MMEL1: variants seen among roughly 807,000 people sequenced by gnomAD.
MMEL1 encodes membrane metalloendopeptidase like 1, also known as membrane metallo-endopeptidase-like 1.
In MMEL1, 98 loss-of-function variants were observed where a neutral mutation model predicts 117.1. The observed-to-expected ratio is 0.84, with a 90% CI of 0.71 to 0.99. The LOEUF (loss-of-function observed/expected upper bound fraction) is 0.99. MMEL1 is among the 50% of genes least tolerant of loss of function. The pLI, the probability that MMEL1 is intolerant of heterozygous loss-of-function variation, is 0.00. For synonymous variants in MMEL1, 390 were observed against 415.1 expected (o/e 0.94, Z 0.74); for missense variants, 1,014 against 1,049.1 (o/e 0.97, Z 0.46).
Position 2,591,550 on chromosome 1 carries a change from G to T in MMEL1, c.2240+7C>A. 1 of 1,613,170 alleles carries T rather than the reference G, an allele frequency of 6.2e-7. No homozygotes were observed. Among genetic ancestry groups the T allele is most frequent in the South Asian group, 1.1e-5 (1 of 91,068 alleles). ...TGGCAAGGGGGTTGTGAGCATGGGA[G>T]ACTTGCCTGTACTTCAGGGGACTGT... On this transcript the variant is annotated splice_region_variant and intron_variant, in intron 23 of 23. Transcript: ENST00000378412.
chr1:2,631,113 A>C (rs934711309), intron 1 of MMEL1, among the ~76,000 whole-genome samples: 1 of 152,190 alleles, frequency 6.6e-6, no homozygotes, highest in African/African-American at 2.4e-5. Flanking sequence ...ATGTGAGCAC[A>C]TGCATGGATG....
chr1:2,619,012 G>A (rs564088328), intron 2 of MMEL1, among the ~76,000 whole-genome samples: 2 of 152,276 alleles, frequency 1.3e-5, no homozygotes, highest in African/African-American at 4.8e-5. Flanking sequence ...TCTCTTGACT[G>A]TGCGTGGCCC....
At chr1:2,610,349 C>G (rs1645105796) in intron 4 of MMEL1, among the ~76,000 whole-genome samples, 2 of 152,172 alleles carry the variant, frequency 1.3e-5, no homozygotes, top group African/African-American at 4.8e-5. Context: ...ACTTATTAAC[C>G]ACTTGATCTT....
intron 2 of MMEL1, among the ~76,000 whole-genome samples, chr1:2,626,808 G>A (rs780527915): frequency 2.0e-5 from 3 of 152,142 alleles, no homozygotes; most frequent in African/African-American, 4.8e-5. Flanking sequence ...GTTAGTTGAG[G>A]GAAAATAGAG....
intron 2 of MMEL1, among the ~76,000 whole-genome samples, chr1:2,624,755 T>C (rs1645343516): frequency 1.3e-5 from 2 of 152,192 alleles, no homozygotes; most frequent in Non-Finnish European, 2.9e-5. Context: ...TATCGTCCAT[T>C]ATCACACTGC....
intron 7 of MMEL1, 32 bp from the exon 8 acceptor site, chr1:2,606,398 G>C: frequency 6.3e-7 from 1 of 1,577,736 alleles, no homozygotes; most frequent in Non-Finnish European, 8.7e-7. Context: ...CTGGAGACTG[G>C]CGGGCCCTGG....
rs183872160 is a variant in MMEL1 at position 2,621,294 on chromosome 1, C to G, written c.154+8037G>C. Among the ~76,000 whole-genome samples the G allele has an allele frequency of 3.4e-3, 514 of 152,256 alleles. 3 individuals carry two copies. The highest frequency in any genetic ancestry group is 5.9e-3 in the Non-Finnish European group (402 of 68,008). ...AGTGAGACCCTGTCTCAAAAACAAA[C>G]AAACAAAACCAGAGACCTTAAGACT... On this transcript the variant is annotated intron_variant, in intron 2 of 23. Coordinates refer to ENST00000378412, the MANE Select transcript of MMEL1 (RefSeq NM_033467.4).
At chr1:2,603,589 C>T (rs886490669) in intron 11 of MMEL1, among the ~76,000 whole-genome samples, 1 of 152,160 alleles carries the variant, frequency 6.6e-6, no homozygotes, top group Non-Finnish European at 1.5e-5. Context: ...ACATCAGCAG[C>T]CCCCTGAGGC....
At chr1:2,630,736 C>T (rs529633514) in intron 1 of MMEL1, among the ~76,000 whole-genome samples, 187 of 135,876 alleles carry the variant, frequency 1.4e-3, no homozygotes, top group Admixed American at 2.3e-3. Context: ...TGCACGTGTG[C>T]GTGTGCTCTC....
At chr1:2,611,995 C>T in intron 3 of MMEL1, 132 bp downstream of exon 3, 1 of 782,644 alleles carries the variant, frequency 1.3e-6, no homozygotes, top group Non-Finnish European at 2.1e-6. Context: ...CCACTGTCCT[C>T]TCCCCATGGC....
chr1:2,607,117 G>A (rs751984543), intron 6 of MMEL1, 48 bp from the exon 7 acceptor site: 21 of 1,527,922 alleles, frequency 1.4e-5, no homozygotes, highest in Middle Eastern at 1.7e-4. Context: ...TGTGGCTCAC[G>A]TGCCACGACA....
chr1:2,611,027 G>A (rs1261263097), intron 4 of MMEL1, among the ~76,000 whole-genome samples: 2 of 152,274 alleles, frequency 1.3e-5, no homozygotes, highest in Non-Finnish European at 2.9e-5. Flanking sequence ...AAAGCCGCTG[G>A]GGTTCTTGGC....
chr1:2,610,370 C>A (rs1377948231), intron 4 of MMEL1, among the ~76,000 whole-genome samples: 1 of 152,178 alleles, frequency 6.6e-6, no homozygotes, highest in Non-Finnish European at 1.5e-5. Context: ...GAACCCCAAA[C>A]CCTCCGAGAC....
chr1:2,619,616 C>A (rs1645259456), intron 2 of MMEL1, among the ~76,000 whole-genome samples: 3 of 149,388 alleles, frequency 2.0e-5, no homozygotes, highest in Non-Finnish European at 4.4e-5. Flanking sequence ...CAAGATCGTG[C>A]CACTGCATTC....
intron 2 of MMEL1, among the ~76,000 whole-genome samples, chr1:2,629,119 G>A (rs1252834240): frequency 4.6e-5 from 7 of 152,236 alleles, no homozygotes; most frequent in African/African-American, 1.7e-4. Flanking sequence ...CTTTCTGGAA[G>A]GGACCGCGGG....
Position 2,629,447 on chromosome 1 carries a change from C to T in MMEL1, c.38G>A (p.Ser13Asn). Residue 13 changes from serine to asparagine, a missense_variant, in exon 2 of 24, where the codon AGC becomes AAC. Physicochemically the swap from Ser to Asn is conservative, Grantham distance 46 (BLOSUM62 1). Transcript: ENST00000378412. The stretch of plus-strand genomic sequence containing the variant: ...GCGCTTCTGCCCTGCACGGCCGGCG[C>T]TCTCCACCATCCCCACTGGGCCTTC... Reference protein sequence around the residue: ...KSEGPVGMVESAGRAGQKRPG... With the variant: ...KSEGPVGMVENAGRAGQKRPG... 1 of 1,540,684 alleles carries T rather than the reference C, an allele frequency of 6.5e-7. No homozygotes were observed. Among genetic ancestry groups the T allele is most frequent in the Non-Finnish European group, 8.7e-7 (1 of 1,143,802 alleles).
At chr1:2,600,819 T>G (rs1644920189) in intron 11 of MMEL1, among the ~76,000 whole-genome samples, 1 of 152,246 alleles carries the variant, frequency 6.6e-6, no homozygotes, top group Non-Finnish European at 1.5e-5. Flanking sequence ...AAGTCAGTAT[T>G]TCCATATATC....
chr1:2,594,749 C>T (rs1288555884), intron 17 of MMEL1, 41 bp downstream of exon 17: 2 of 1,548,762 alleles, frequency 1.3e-6, no homozygotes, highest in Non-Finnish European at 1.8e-6. Flanking sequence ...TGGCCACTCC[C>T]TGGCCCCCCC....
chr1:2,599,341 T>C (rs1056598259), intron 11 of MMEL1, among the ~76,000 whole-genome samples: 19 of 152,240 alleles, frequency 1.2e-4, no homozygotes, highest in African/African-American at 4.6e-4. Flanking sequence ...AGCAAAATAT[T>C]AGCAAATAGA....
Sources: allele counts gnomAD v4.1 joint callset (sites outside exome capture counted in the v4.1 genomes callset), GRCh38; gene constraint gnomAD v4.1.1; transcripts MANE v1.5; gene names NCBI Gene and HGNC (gene_info 2026-07-23, HGNC 2026-07-21).